Variants in DAB1 observed in about 807,000 individuals in gnomAD.
The protein encoded by DAB1 is DAB adaptor protein 1.
DAB1 carries 15 observed loss-of-function variants against 64.6 expected under a neutral mutation model. That is an observed-to-expected ratio of 0.23 (90% CI 0.16 to 0.36). The LOEUF (loss-of-function observed/expected upper bound fraction) is 0.36. Among genes scored for constraint, DAB1 ranks in the 10% least tolerant of loss-of-function variants. The pLI is 1.00. For synonymous variants in DAB1, 235 were observed against 251.9 expected (o/e 0.93, Z 0.64); for missense variants, 596 against 706.7 (o/e 0.84, Z 1.78).
chr1:57,339,432 A>G (rs1223338166), intron 1 of DAB1, among the ~76,000 whole-genome samples: 1 of 152,238 alleles, frequency 6.6e-6, no homozygotes, highest in Non-Finnish European at 1.5e-5. Flanking sequence ...CTGGGATTAC[A>G]GGCGTGAGCA....
chr1:58,386,452 G>C (rs1644433001), intron 3 of DAB1, among the ~76,000 whole-genome samples: 1 of 152,116 alleles, frequency 6.6e-6, no homozygotes. Context: ...GCAAGGACTA[G>C]GGGTTATTGG....
intron 2 of DAB1, among the ~76,000 whole-genome samples, chr1:57,289,614 T>C (rs1208180374): frequency 6.6e-6 from 1 of 152,206 alleles, no homozygotes. Context: ...GAGCTGCATA[T>C]GTATTACAGT....
chr1:57,105,451 G>T (rs950180197), intron 4 of DAB1, among the ~76,000 whole-genome samples: 2 of 152,084 alleles, frequency 1.3e-5, no homozygotes, highest in Non-Finnish European at 2.9e-5. Flanking sequence ...CCAAGGAAAG[G>T]TGGGAGCAGC....
chr1:57,454,572 G>T (rs982177105), intron 7 of DAB1, among the ~76,000 whole-genome samples: 1 of 152,014 alleles, frequency 6.6e-6, no homozygotes, highest in African/African-American at 2.4e-5. Flanking sequence ...TTAGTACCTG[G>T]GTGATGACAT....
chr1:57,274,829 G>T (rs1056895103), intron 2 of DAB1, among the ~76,000 whole-genome samples: 5 of 151,792 alleles, frequency 3.3e-5, no homozygotes, highest in Non-Finnish European at 7.4e-5. Flanking sequence ...TGATCTGCCC[G>T]CCTTGGCCTC....
intron 1 of DAB1, among the ~76,000 whole-genome samples, chr1:57,836,152 T>C (rs950202158): frequency 6.6e-6 from 1 of 152,222 alleles, no homozygotes; most frequent in South Asian, 2.1e-4. Context: ...TGATGTCTAA[T>C]GAATATTTTT....
chr1:57,147,223 A>G (rs1414200448), intron 2 of DAB1, among the ~76,000 whole-genome samples: 1 of 151,864 alleles, frequency 6.6e-6, no homozygotes, highest in East Asian at 1.9e-4. Flanking sequence ...GGGTTTTGCC[A>G]TGTTGCCCAG....
Position 57,137,997 on chromosome 1 carries a change from T to A in DAB1, c.208-1356A>T, listed in dbSNP as rs1441443851. On this transcript the variant is annotated intron_variant, in intron 3 of 14. Transcript: ENST00000371236. ...CTTCCTCCAGTGTAAAATCCATCAT[T>A]TTTTTGCATGGTTAAGAGACTTAAA... 2.0e-5 allele frequency among the ~76,000 whole-genome samples: 3 copies of A among 152,144 alleles called. No homozygotes were observed. The East Asian group carries it at 5.8e-4, about 29-fold the overall frequency.
At chr1:57,468,201 GA>G (rs1687019790) in intron 7 of DAB1, among the ~76,000 whole-genome samples, 2 of 152,178 alleles carry the variant, frequency 1.3e-5, no homozygotes, top group Non-Finnish European at 2.9e-5. Context: ...AGAGCTCAGT[GA>G]GTGAGTCAAG....
intron 6 of DAB1, among the ~76,000 whole-genome samples, chr1:57,740,074 C>T (rs1020988835): frequency 3.4e-5 from 4 of 118,720 alleles, no homozygotes; most frequent in African/African-American, 5.8e-5. Flanking sequence ...ATTCGCCAGG[C>T]GTGGTCGCAT....
chr1:57,324,252 G>A (rs1675974694), intron 1 of DAB1, among the ~76,000 whole-genome samples: 1 of 152,130 alleles, frequency 6.6e-6, no homozygotes, highest in Admixed American at 6.5e-5. Context: ...GGAGGAGTCG[G>A]GATGCTCAGG....
intron 3 of DAB1, among the ~76,000 whole-genome samples, chr1:58,504,688 T>C (rs1379305066): frequency 6.6e-6 from 1 of 152,208 alleles, no homozygotes; most frequent in African/African-American, 2.4e-5. Context: ...AATATCGATC[T>C]ACCTAATGAA....
At chr1:57,350,320 T>C (rs1001841688) in intron 1 of DAB1, among the ~76,000 whole-genome samples, 7 of 152,194 alleles carry the variant, frequency 4.6e-5, no homozygotes, top group Admixed American at 4.6e-4. Flanking sequence ...AGCTAGGATT[T>C]GAACACATAC....
intron 7 of DAB1, among the ~76,000 whole-genome samples, chr1:57,577,029 G>A (rs182751239): frequency 1.1e-4 from 16 of 152,278 alleles, no homozygotes; most frequent in East Asian, 5.8e-4. Context: ...AGCACCTTCC[G>A]TGCAGGAGCA....
rs187402222 is a variant in DAB1, at chr1:58,228,222, G to T, written n.310-77634C>A. On this transcript the variant is annotated intron_variant and non_coding_transcript_variant, in intron 4 of 20. Coordinates refer to the DAB1 transcript ENST00000485760. ...AGTAAGTCAAACACGAAATCTAGTT[G>T]GATGAGATCCAACAGTGGCCTTAGA... Among the ~76,000 whole-genome samples the T allele has an allele frequency of 3.3e-5, 5 of 152,270 alleles. No individual in the cohort carries two copies. In the East Asian group the frequency reaches 9.6e-4, roughly 29 times the overall value.
At chr1:58,410,327 G>C (rs981818674) in intron 3 of DAB1, among the ~76,000 whole-genome samples, 4 of 152,216 alleles carry the variant, frequency 2.6e-5, no homozygotes, top group Admixed American at 2.0e-4. Context: ...AGTCTGTTAA[G>C]GTCCTAAGAC....
At chr1:57,636,096 C>CCAA (rs1646050631) in intron 7 of DAB1, among the ~76,000 whole-genome samples, 1 of 64,976 alleles carries the variant, frequency 1.5e-5, no homozygotes, top group Non-Finnish European at 2.8e-5. Flanking sequence ...GACACGGTCT[C>CCAA]AAAAAAAAAA....
intron 6 of DAB1, among the ~76,000 whole-genome samples, chr1:57,671,729 T>G (rs999535869): frequency 3.9e-5 from 6 of 152,048 alleles, no homozygotes; most frequent in Non-Finnish European, 8.8e-5. Context: ...GTAACTCACT[T>G]GTACACTAAT....
At chr1:57,889,897 G>C (rs935111183) in intron 5 of DAB1, among the ~76,000 whole-genome samples, 1 of 123,312 alleles carries the variant, frequency 8.1e-6, no homozygotes, top group African/African-American at 3.3e-5. Context: ...CACAAACTGG[G>C]GCGGGGGGGG....
Sources: allele counts gnomAD v4.1 joint callset (sites outside exome capture counted in the v4.1 genomes callset), GRCh38; gene constraint gnomAD v4.1.1; transcripts MANE v1.5; gene names NCBI Gene and HGNC (gene_info 2026-07-23, HGNC 2026-07-21).